Variants in HOMER2 observed in about 807,000 individuals in gnomAD.
HOMER2 encodes the protein homer scaffold protein 2, also known as homer protein homolog 2.
HOMER2 carries 27 observed loss-of-function variants against 47.0 expected under a neutral mutation model. That is an observed-to-expected ratio of 0.57 (90% confidence interval 0.42 to 0.79). The LOEUF is 0.79. Among genes scored for constraint, HOMER2 ranks in the 30% least tolerant of loss-of-function variants. HOMER2 has a pLI of 0.00. For synonymous variants in HOMER2, 161 were observed against 163.8 expected, an observed-to-expected ratio of 0.98 and a Z score of 0.13; for missense variants, 443 against 435.0, an observed-to-expected ratio of 1.02 and a Z score of -0.16.
chr15:82,881,337 G>T (rs2052515035), intron 2 of HOMER2, among the ~76,000 whole-genome samples: 1 of 152,166 alleles, frequency 6.6e-6, no homozygotes, highest in Admixed American at 6.5e-5. Context: ...GAAACAGGCA[G>T]GGGGAGACAG....
chr15:82,910,174 C>A (rs1024032461), intron 1 of HOMER2, among the ~76,000 whole-genome samples: 2 of 144,480 alleles, frequency 1.4e-5, no homozygotes, highest in Admixed American at 7.0e-5. Context: ...TAACTTGTTT[C>A]CCTACCTTTA....
At chr15:82,880,424 C>T (rs954963030) in intron 2 of HOMER2, among the ~76,000 whole-genome samples, 1 of 152,108 alleles carries the variant, frequency 6.6e-6, no homozygotes, top group Admixed American at 6.6e-5. Flanking sequence ...GATGGGAGAG[C>T]ATCTAATTAG....
At chr15:82,869,616 C>T (rs1241371988) in intron 3 of HOMER2, among the ~76,000 whole-genome samples, 4 of 152,048 alleles carry the variant, frequency 2.6e-5, no homozygotes, top group Middle Eastern at 3.4e-3. Flanking sequence ...TGCCACCACA[C>T]CTAGCTAATT....
chr15:82,952,575 C>T lies in HOMER2; in HGVS notation c.-40G>A, dbSNP rs1234850147. 2.6e-6 allele frequency: 3 copies of T among 1,161,400 alleles called. No individual in the cohort carries two copies. The highest frequency in any genetic ancestry group is 8.0e-5 in the East Asian group (2 of 25,064). 71.9% of individuals were successfully genotyped at this position (1,161,400 alleles called of 1,614,324 possible). A position where few individuals can be genotyped will look rare whatever the true frequency, so the allele number is the denominator to read the frequency against. ...CGGCGGCCGCTCCGACGGGGCCTCT[C>T]GCGCTCGCTCTCCGCCCGCTCGGCA... On this transcript the variant is annotated 5_prime_UTR_variant, in exon 1 of 9. Coordinates refer to ENST00000450735, the MANE Select transcript of HOMER2 (RefSeq NM_004839.4).
At chr15:82,916,388 G>A (rs2053588559) in intron 1 of HOMER2, among the ~76,000 whole-genome samples, 1 of 152,182 alleles carries the variant, frequency 6.6e-6, no homozygotes, top group Non-Finnish European at 1.5e-5. Flanking sequence ...CAGAATCCAG[G>A]GAGATTGGTA....
chr15:82,896,431 A>G (rs1467610948), intron 1 of HOMER2, among the ~76,000 whole-genome samples: 1 of 152,234 alleles, frequency 6.6e-6, no homozygotes, highest in Admixed American at 6.5e-5. Flanking sequence ...CTGCCTGCTC[A>G]GCTCTGTGGA....
intron 3 of HOMER2, among the ~76,000 whole-genome samples, chr15:82,869,258 C>T (rs1444494999): frequency 6.6e-6 from 1 of 152,042 alleles, no homozygotes; most frequent in Non-Finnish European, 1.5e-5. Flanking sequence ...TATGAGCTCC[C>T]CTGCCCTGCA....
intron 1 of HOMER2, chr15:82,898,301 A>T (rs1293876555): frequency 6.6e-6 from 1 of 152,244 alleles, no homozygotes; most frequent in Non-Finnish European, 1.5e-5. Flanking sequence ...ATATAAATAG[A>T]AAGATTTAAG....
upstream of HOMER2, among the ~76,000 whole-genome samples, chr15:82,955,421 G>A (rs1003613892): frequency 1.6e-4 from 24 of 146,992 alleles, no homozygotes; most frequent in African/African-American, 4.8e-4. Context: ...CGCCTGCCTC[G>A]GCCTCCCAAA....
intron 2 of HOMER2, among the ~76,000 whole-genome samples, chr15:82,891,449 T>TA (rs891880464): frequency 1.3e-5 from 2 of 152,188 alleles, no homozygotes; most frequent in African/African-American, 4.8e-5. Flanking sequence ...AGCAGTCACT[T>TA]AGAGAACATG....
chr15:82,976,749 G>A (rs922850576), intron 1 of HOMER2, among the ~76,000 whole-genome samples: 6 of 132,110 alleles, frequency 4.5e-5, no homozygotes, highest in African/African-American at 8.6e-5. Context: ...GCGTGATCTT[G>A]GCTTACTGCA....
intron 1 of HOMER2, among the ~76,000 whole-genome samples, chr15:82,928,295 T>C (rs765506175): frequency 3.1e-4 from 47 of 152,180 alleles, no homozygotes; most frequent in African/African-American, 4.8e-4. Flanking sequence ...GCACAAAACA[T>C]TGGAAGCCTT....
At chr15:82,881,368 G>A (rs974957705) in intron 2 of HOMER2, among the ~76,000 whole-genome samples, 21 of 152,334 alleles carry the variant, frequency 1.4e-4, no homozygotes, top group Middle Eastern at 3.4e-3. Context: ...TTCCTTTCAT[G>A]AGAAGTCTTT....
At chr15:82,866,557 T>C (rs1406150079) in intron 3 of HOMER2, among the ~76,000 whole-genome samples, 4 of 152,198 alleles carry the variant, frequency 2.6e-5, no homozygotes, top group Admixed American at 2.6e-4. Context: ...TGGAAAGATA[T>C]GGTTTGACTC....
At chr15:82,978,944 C>T (rs924979600) in intron 1 of HOMER2, among the ~76,000 whole-genome samples, 1 of 152,200 alleles carries the variant, frequency 6.6e-6, no homozygotes, top group Non-Finnish European at 1.5e-5. Context: ...TGGTCTCGAT[C>T]TCTTGACCTC....
intron 1 of HOMER2, among the ~76,000 whole-genome samples, 168 bp from the exon 2 acceptor site, chr15:82,893,009 C>A (rs1404803375): frequency 6.6e-6 from 1 of 152,174 alleles, no homozygotes; most frequent in Non-Finnish European, 1.5e-5. Flanking sequence ...AAAAGAGACA[C>A]CAGTGAGTAG....
Position 82,952,557 on chromosome 15 carries a change from C to T in HOMER2, c.-22G>A, listed in dbSNP as rs1044845420. ...CCATCTCCGGCGCTGCTCCGGCGGC[C>T]GCTCCGACGGGGCCTCTCGCGCTCG... On this transcript the variant is annotated 5_prime_UTR_variant, in exon 1 of 9. Transcript: ENST00000450735. 3.4e-6 allele frequency: 4 copies of T among 1,174,798 alleles called. No homozygotes were observed. Among genetic ancestry groups the T allele is most frequent in the South Asian group, 8.4e-5 (2 of 23,836 alleles). 72.8% of individuals were successfully genotyped at this position (1,174,798 alleles called of 1,614,324 possible).
In HOMER2 at chr15:82,853,547, T is replaced by C. The variant is rs533117785; in HGVS notation, c.651+1097A>G. The stretch of plus-strand genomic sequence containing the variant: ...GGGCAGGGCAGGGGAGAAAAGGGGG[T>C]CAAGGGGGAGTGAACACCAATCTAA... On this transcript the variant is annotated intron_variant, in intron 6 of 8. Coordinates refer to ENST00000450735, the MANE Select transcript of HOMER2 (RefSeq NM_004839.4). Among the ~76,000 whole-genome samples, 476 of 151,542 alleles carry C rather than the reference T, an allele frequency of 3.1e-3. 1 individual carries two copies. The highest frequency in any genetic ancestry group is 5.4e-3 in the Non-Finnish European group (366 of 67,846).
At chr15:82,941,442 C>CAAAAAAA (rs10602958) in intron 1 of HOMER2, among the ~76,000 whole-genome samples, 1 of 74,448 alleles carries the variant, frequency 1.3e-5, no homozygotes, top group African/African-American at 5.1e-5. Flanking sequence ...GAGTCTGTCT[C>CAAAAAAA]AAAAAAAAAA....
Sources: gnomAD v4.1 joint callset for allele counts (sites outside exome capture counted in the v4.1 genomes callset) on GRCh38, gnomAD v4.1.1 for gene constraint, MANE v1.5 for transcripts, NCBI Gene and HGNC (gene_info 2026-07-23, HGNC 2026-07-21) for gene names.